The following AKAP9 variants were observed in gnomAD, a reference collection of about 807,000 sequenced individuals.
AKAP9 encodes the protein A-kinase anchor protein 9.
Under a neutral mutation model 488.5 loss-of-function variants are expected in AKAP9, and 311 were observed. The ratio of observed to expected loss-of-function variants is 0.64; its 90% CI spans 0.58 to 0.70. The LOEUF is 0.70. Among genes scored for constraint, AKAP9 ranks in the 30% least tolerant of loss-of-function variants. The pLI is 0.00. For synonymous variants in AKAP9, 1,462 were observed against 1,483.5 expected (o/e 0.99, Z 0.33); for missense variants, 4,215 against 4,374.5 (o/e 0.96, Z 1.03).
intron 5 of AKAP9, among the ~76,000 whole-genome samples, chr7:91,994,217 G>A (rs1798118641): frequency 6.6e-6 from 1 of 152,148 alleles, no homozygotes; most frequent in South Asian, 2.1e-4. Context: ...TGCCATAACT[G>A]TCTATGGCAG....
intron 18 of AKAP9, 181 bp from the exon 19 acceptor site, chr7:92,041,865 A>T (rs574918852): frequency 3.3e-6 from 2 of 600,394 alleles, no homozygotes; most frequent in Non-Finnish European, 5.5e-6. Context: ...ATTGGCTTTT[A>T]AAAAATATTT....
intron 2 of AKAP9, among the ~76,000 whole-genome samples, chr7:91,976,206 A>C (rs1210136967): frequency 6.6e-6 from 1 of 152,044 alleles, no homozygotes; most frequent in Non-Finnish European, 1.5e-5. Flanking sequence ...TACGGGCATT[A>C]GCCACTATGC....
Position 92,061,348 on chromosome 7 carries a change from AG to A in AKAP9, c.5692del (p.Glu1898AsnfsTer16). The A allele has an allele frequency of 1.2e-6, 2 of 1,613,176 alleles. No homozygotes were observed. Among genetic ancestry groups the A allele is most frequent in the Non-Finnish European group, 1.7e-6 (2 of 1,179,526 alleles). ...GCAACAGAGTCCCTTAAGTGCCAAGAGGAACTTCGAGAGCGCCTTCATGAGG... is the reference window on the plus strand; with the variant it reads ...GCAACAGAGTCCCTTAAGTGCCAAGAGAACTTCGAGAGCGCCTTCATGAGG... ...QEATESLKCQ[E>X]ELRERLHEES... On this transcript the variant is annotated frameshift_variant, in exon 23 of 50. Coordinates refer to ENST00000356239, the MANE Select transcript of AKAP9 (RefSeq NM_005751.5). LOFTEE classifies it high-confidence loss of function.
Position 92,062,453 on chromosome 7 carries a change from G to A in AKAP9, c.5944G>A (p.Ala1982Thr), listed in dbSNP as rs762699026. 2 of 1,613,616 alleles carry A rather than the reference G, an allele frequency of 1.2e-6. No homozygotes were observed. Among genetic ancestry groups the A allele is most frequent in the Admixed American group, 1.7e-5 (1 of 59,968 alleles). ...ERELLSRQKEAMKAEAGPVEQ... is the reference protein window; with the variant it reads ...ERELLSRQKETMKAEAGPVEQ... Reference sequence around the variant, plus strand: ...AGAATTACTGTCCAGACAAAAGGAAGCTATGAAAGCAGAGGCAGGCCCAGT... The same window carrying A: ...AGAATTACTGTCCAGACAAAAGGAAACTATGAAAGCAGAGGCAGGCCCAGT... Residue 1982 changes from alanine to threonine, a missense_variant, in exon 24 of 50, where the codon GCT becomes ACT. This residue lies in a region of AKAP9 where 2,361 missense variants were observed against 2,430.0 expected (regional missense o/e 0.97). Coordinates refer to ENST00000356239, the MANE Select transcript of AKAP9 (RefSeq NM_005751.5).
At chr7:92,076,754 T>G in intron 28 of AKAP9, 101 bp from the exon 29 acceptor site, 1 of 676,530 alleles carries the variant, frequency 1.5e-6, no homozygotes, top group Non-Finnish European at 2.4e-6. Flanking sequence ...ACTCATGTTT[T>G]AAGCATGCAT....
chr7:92,003,762 A>G (rs1799466865), intron 8 of AKAP9, among the ~76,000 whole-genome samples: 1 of 152,026 alleles, frequency 6.6e-6, no homozygotes, highest in Admixed American at 6.6e-5. Context: ...TCTTTATTAT[A>G]CCTGAAGGGG....
At chr7:91,941,545 G>C (rs1385863280) in intron 1 of AKAP9, among the ~76,000 whole-genome samples, 1 of 152,078 alleles carries the variant, frequency 6.6e-6, no homozygotes, top group Non-Finnish European at 1.5e-5. Flanking sequence ...TCTTTATTGG[G>C]TTGGGGATTT....
At chr7:92,036,366 G>A (rs1409591112) in intron 16 of AKAP9, among the ~76,000 whole-genome samples, 1 of 151,670 alleles carries the variant, frequency 6.6e-6, no homozygotes, top group Non-Finnish European at 1.5e-5. Context: ...GTGCAGTGGT[G>A]TGATCATAGC....
intron 23 of AKAP9, among the ~76,000 whole-genome samples, chr7:92,061,873 C>T (rs1809913081): frequency 6.6e-6 from 1 of 151,970 alleles, no homozygotes; most frequent in East Asian, 1.9e-4. Context: ...GGGTGTTGGC[C>T]TTCTAAAATT....
rs1425297084 is a variant in AKAP9, at chr7:92,002,914, C to G, written c.2997C>G (p.Ile999Met). 1.7e-5 allele frequency: 28 copies of G among 1,611,342 alleles called. No individual in the cohort carries two copies. Among genetic ancestry groups the G allele is most frequent in the Non-Finnish European group, 2.4e-5 (28 of 1,179,018 alleles). Reference protein sequence around the residue: ...QVSLRCRELEIIINHNRAENV... With the variant: ...QVSLRCRELEMIINHNRAENV... ...CATTGAGATGTAGAGAGCTAGAAATCATTATTAACCACAACAGGGCAGAAA... is the reference window on the plus strand; with the variant it reads ...CATTGAGATGTAGAGAGCTAGAAATGATTATTAACCACAACAGGGCAGAAA... Residue 999 changes from isoleucine (I) to methionine (M), a missense_variant, in exon 8 of 50, where the codon ATC becomes ATG. Ile to Met is a conservative substitution (Grantham distance 10, BLOSUM62 1). Transcript: ENST00000356239.
At chr7:92,068,118 T>C (rs1811052124) in intron 26 of AKAP9, among the ~76,000 whole-genome samples, 1 of 151,758 alleles carries the variant, frequency 6.6e-6, no homozygotes, top group Non-Finnish European at 1.5e-5. Context: ...CCCAGCACTT[T>C]GGGAGGCCGA....
chr7:91,977,570 C>T (rs1017414092), intron 2 of AKAP9, among the ~76,000 whole-genome samples: 1 of 152,076 alleles, frequency 6.6e-6, no homozygotes, highest in African/African-American at 2.4e-5. Flanking sequence ...AAAGAAAAAA[C>T]CAAGACAAAA....
At chr7:92,077,356 G>A (rs2130857298) in intron 29 of AKAP9, among the ~76,000 whole-genome samples, 1 of 152,152 alleles carries the variant, frequency 6.6e-6, no homozygotes, top group Admixed American at 6.5e-5. Context: ...CTCCCAAAGT[G>A]CTGGGATTAC....
At chr7:92,044,903 A>G (rs1806714985) in intron 20 of AKAP9, 105 bp from the exon 21 acceptor site, 3 of 863,306 alleles carry the variant, frequency 3.5e-6, no homozygotes, top group Non-Finnish European at 5.7e-6. Flanking sequence ...ATCATCTGTT[A>G]TTTTTCAAAT....
In AKAP9 at chr7:92,108,475, C is replaced by T; in HGVS notation, c.11547-19C>T. ...ATTTCTGGATAACTTGATTCATGTACATATTTTTAATCCTTTAGGTACCCA... is the reference window on the plus strand; with the variant it reads ...ATTTCTGGATAACTTGATTCATGTATATATTTTTAATCCTTTAGGTACCCA... On this transcript the variant is annotated intron_variant, in intron 48 of 49. Transcript: ENST00000356239. The T allele has an allele frequency of 6.2e-7, 1 of 1,613,230 alleles. No individual in the cohort carries two copies. The highest frequency in any genetic ancestry group is 8.5e-7 in the Non-Finnish European group (1 of 1,179,838).
chr7:92,027,094 GCCA>G, intron 14 of AKAP9, among the ~76,000 whole-genome samples: 1 of 134,900 alleles, frequency 7.4e-6, no homozygotes, highest in South Asian at 2.6e-4. Flanking sequence ...CTGCCCGGCT[GCCA>G]CCCCATCTAG....
chr7:92,109,782 C>T (rs1819071147), intron 49 of AKAP9, among the ~76,000 whole-genome samples: 1 of 152,122 alleles, frequency 6.6e-6, no homozygotes, highest in Admixed American at 6.5e-5. Context: ...GAAACCCCGT[C>T]TCCACTAAAA....
intron 2 of AKAP9, among the ~76,000 whole-genome samples, chr7:91,976,896 ATTTTG>A (rs1173369362): frequency 6.6e-6 from 1 of 151,832 alleles, no homozygotes; most frequent in Non-Finnish European, 1.5e-5. Context: ...TACAATTTAA[ATTTTG>A]TTTTGTTTTG....
rs201144675 is a variant in AKAP9, at chr7:92,062,336, G to T, written c.5827G>T (p.Asp1943Tyr). The change falls in exon 24 of 50, where the codon GAT becomes TAT. Residue 1943 changes from aspartate to tyrosine, a missense_variant. Physicochemically the swap from Asp to Tyr is radical, Grantham distance 160 (BLOSUM62 -3). This residue lies in a region of AKAP9 where 2,361 missense variants were observed against 2,430.0 expected (regional missense o/e 0.97). Transcript: ENST00000356239. Reference sequence around the variant, plus strand: ...TGAAAGGCAAATTCAGGAAAAAACTGATATAATAGATCGTCTTGAGCAGGA... The same window carrying T: ...TGAAAGGCAAATTCAGGAAAAAACTTATATAATAGATCGTCTTGAGCAGGA... ...LFERQIQEKT[D>Y]IIDRLEQELL... is the part of the protein sequence containing the mutation. The T allele has an allele frequency of 6.2e-7, 1 of 1,613,828 alleles. No homozygotes were observed. The highest frequency in any genetic ancestry group is 8.5e-7 in the Non-Finnish European group (1 of 1,179,814).
Sources: allele counts gnomAD v4.1 joint callset (sites outside exome capture counted in the v4.1 genomes callset), GRCh38; gene constraint gnomAD v4.1.1; regional missense constraint gnomAD v4.1.1; transcripts MANE v1.5; gene names NCBI Gene and HGNC (gene_info 2026-07-23, HGNC 2026-07-21).